The following COL23A1 variants were observed in gnomAD, a reference collection of about 807,000 sequenced individuals.
The protein encoded by COL23A1 is collagen type XXIII alpha 1 chain.
In COL23A1, 97 loss-of-function variants were observed where a neutral mutation model predicts 99.3. The ratio of observed to expected loss-of-function variants is 0.98; its 90% CI spans 0.83 to 1.16. The LOEUF is 1.16. Among genes scored for constraint, COL23A1 ranks in the 50% most tolerant of loss-of-function variants. The pLI, the probability that COL23A1 is intolerant of heterozygous loss-of-function variation, is 0.00. For synonymous variants in COL23A1, 320 were observed against 308.2 expected, an observed-to-expected ratio of 1.04 and a Z score of -0.40; for missense variants, 762 against 757.4, an observed-to-expected ratio of 1.01 and a Z score of -0.07.
At chr5:178,447,848 G>T (rs1278932769) in intron 2 of COL23A1, among the ~76,000 whole-genome samples, 2 of 152,176 alleles carry the variant, frequency 1.3e-5, no homozygotes, top group Non-Finnish European at 2.9e-5. Context: ...GGCTGGCAGG[G>T]ACCTTTGGAA....
In COL23A1 at chr5:178,521,568, A is replaced by C. The variant is rs1449977222; in HGVS notation, c.361+39114T>G. ...ACTCCATCTCAAAAAAAAAAAAAAA[A>C]AAACTATTTAAAGCCAACATTTAAG... On this transcript the variant is annotated intron_variant, in intron 2 of 28. Coordinates refer to ENST00000390654, the MANE Select transcript of COL23A1 (RefSeq NM_173465.4). 4.6e-5 allele frequency among the ~76,000 whole-genome samples: 7 copies of C among 152,248 alleles called. No individual in the cohort carries two copies. The East Asian group carries it at 5.8e-4, about 13-fold the overall frequency.
chr5:178,387,627 G>A lies in COL23A1; in HGVS notation c.362-80708C>T, dbSNP rs542935300. Among the ~76,000 whole-genome samples, 1 of 152,280 alleles carries A rather than the reference G, an allele frequency of 6.6e-6. No individual in the cohort carries two copies. The highest frequency in any genetic ancestry group is 1.5e-5 in the Non-Finnish European group (1 of 68,032). The stretch of plus-strand genomic sequence containing the variant: ...CCCTCCTGGACCAATAACTTCTAGA[G>A]GCTCATGACCATTTACCTTTTATCC... On this transcript the variant is annotated intron_variant, in intron 2 of 28. Transcript: ENST00000390654. The surrounding 1 kb of genome is among the most constrained non-coding windows in gnomAD (Gnocchi z 4.7).
At chr5:178,498,419 G>A (rs1207606008) in intron 2 of COL23A1, among the ~76,000 whole-genome samples, 3 of 151,302 alleles carry the variant, frequency 2.0e-5, no homozygotes, top group African/African-American at 7.3e-5. Context: ...GTATCTGACA[G>A]CCTAAAATTA....
In COL23A1 at chr5:178,548,912, T is replaced by C. The variant is rs535688119; in HGVS notation, c.361+11770A>G. Among the ~76,000 whole-genome samples the C allele has an allele frequency of 1.5e-4, 23 of 152,242 alleles. No individual in the cohort carries two copies. The South Asian group carries it at 1.7e-3, about 11-fold the overall frequency. On this transcript the variant is annotated intron_variant, in intron 2 of 28. Transcript: ENST00000390654. ...AGCAGACGAGATGAATAGTAGTATG[T>C]TCATACACTGCGATGGCATGCTGCA...
intron 1 of COL23A1, among the ~76,000 whole-genome samples, chr5:178,575,275 C>A (rs1020472872): frequency 6.6e-6 from 1 of 151,980 alleles, no homozygotes; most frequent in African/African-American, 2.4e-5. Flanking sequence ...TAGGAAGCAC[C>A]TCTTAACCTC....
At chr5:178,499,257 G>A (rs564300637) in intron 2 of COL23A1, among the ~76,000 whole-genome samples, 14 of 152,120 alleles carry the variant, frequency 9.2e-5, no homozygotes, top group Admixed American at 2.0e-4. Flanking sequence ...CGGACATGGT[G>A]CTATTTTAAA....
intron 2 of COL23A1, among the ~76,000 whole-genome samples, chr5:178,480,174 T>C (rs1757257197): frequency 1.3e-5 from 2 of 150,960 alleles, no homozygotes; most frequent in Non-Finnish European, 2.9e-5. Flanking sequence ...ATTTTTTAAA[T>C]AGGTGGAGGA....
At chr5:178,345,368 T>G in intron 2 of COL23A1, 1 of 455,306 alleles carries the variant, frequency 2.2e-6, no homozygotes, top group South Asian at 2.2e-5. Flanking sequence ...AGGGGCCTGC[T>G]TATTAGACCT....
In COL23A1 at chr5:178,589,580, G is replaced by T. The variant is rs994902736; in HGVS notation, c.294+324C>A. 1.5e-4 allele frequency among the ~76,000 whole-genome samples: 23 copies of T among 152,332 alleles called. No individual in the cohort carries two copies. The highest frequency in any genetic ancestry group is 3.4e-3 in the Middle Eastern group (1 of 294). On this transcript the variant is annotated intron_variant, in intron 1 of 28. Coordinates refer to ENST00000390654, the MANE Select transcript of COL23A1 (RefSeq NM_173465.4). The surrounding 1 kb of genome is among the most constrained non-coding windows in gnomAD (Gnocchi z 5.4). The stretch of plus-strand genomic sequence containing the variant: ...CCCCGACTCTGGCCGCCGGCGGGAA[G>T]CGGCGTGTCCGAGCGCACACCCCGT...
chr5:178,555,949 G>A (rs947192126), intron 2 of COL23A1, among the ~76,000 whole-genome samples: 1 of 152,116 alleles, frequency 6.6e-6, no homozygotes, highest in Admixed American at 6.5e-5. Context: ...GAGGGCTCCC[G>A]TCCTTCAGTC....
chr5:178,360,665 CATA>C (rs1762128460), intron 2 of COL23A1, among the ~76,000 whole-genome samples: 1 of 152,250 alleles, frequency 6.6e-6, no homozygotes, highest in Admixed American at 6.5e-5. Context: ...GGTCATGAAA[CATA>C]ATATGTTTCG....
intron 1 of COL23A1, among the ~76,000 whole-genome samples, chr5:178,588,854 G>C (rs143257964): frequency 3.0e-4 from 45 of 152,310 alleles, no homozygotes; most frequent in African/African-American, 1.0e-3. Flanking sequence ...ACAGGCCAGT[G>C]CTCCCTCTCC....
In COL23A1 at chr5:178,256,941, C is replaced by T. The variant is rs758840297; in HGVS notation, c.775-13G>A. 2 of 1,612,942 alleles carry T rather than the reference C, an allele frequency of 1.2e-6. No individual in the cohort carries two copies. The highest frequency in any genetic ancestry group is 1.7e-5 in the Admixed American group (1 of 59,940). On this transcript the variant is annotated splice_polypyrimidine_tract_variant and intron_variant, in intron 13 of 28. Coordinates refer to ENST00000390654, the MANE Select transcript of COL23A1 (RefSeq NM_173465.4). ...TCCCTGGCTCGCCCTGAAACAGACACAGCTGCAGTGAGAGCAAGTGTGAGA... is the reference window on the plus strand; with the variant it reads ...TCCCTGGCTCGCCCTGAAACAGACATAGCTGCAGTGAGAGCAAGTGTGAGA...
At chr5:178,566,611 T>C (rs1762853173) in intron 1 of COL23A1, among the ~76,000 whole-genome samples, 1 of 151,510 alleles carries the variant, frequency 6.6e-6, no homozygotes, top group Non-Finnish European at 1.5e-5. Flanking sequence ...AGGTCAGGAG[T>C]TCGAGACCAG....
chr5:178,531,610 G>A (rs554788732), intron 2 of COL23A1, among the ~76,000 whole-genome samples: 2 of 152,146 alleles, frequency 1.3e-5, no homozygotes, highest in East Asian at 1.9e-4. Flanking sequence ...TTCTGTTCTC[G>A]GCAGCCAAAT....
chr5:178,408,973 A>AACAC (rs1554161384), intron 2 of COL23A1, among the ~76,000 whole-genome samples: 1 of 61,918 alleles, frequency 1.6e-5, no homozygotes, highest in Non-Finnish European at 3.0e-5. Context: ...AAAAAAAAAA[A>AACAC]ATACACACAC....
At chr5:178,408,020 T>C (rs1370014641) in intron 2 of COL23A1, among the ~76,000 whole-genome samples, 1 of 152,190 alleles carries the variant, frequency 6.6e-6, no homozygotes, top group East Asian at 1.9e-4. Flanking sequence ...AAACCGAAGA[T>C]TTCTACACCA....
chr5:178,590,135 G>GC lies in COL23A1; in HGVS notation c.62dup (p.Gly22ArgfsTer215). 1 of 1,237,812 alleles carries GC rather than the reference G, an allele frequency of 8.1e-7. No homozygotes were observed. Among genetic ancestry groups the GC allele is most frequent in the Non-Finnish European group, 1.0e-6 (1 of 994,544 alleles). The allele number at this position is 1,237,812 out of a possible 1,614,324, so 76.7% of individuals were successfully genotyped here. A position where few individuals can be genotyped will look rare whatever the true frequency, so the allele number is the denominator to read the frequency against. ...TCGTCGCCGAGCGCCCTCCGCCGCC[G>GC]CCGCCCGCCGCATTGCCCTTCCCCG... On this transcript the variant is annotated frameshift_variant, in exon 1 of 29. Coordinates refer to ENST00000390654, the MANE Select transcript of COL23A1 (RefSeq NM_173465.4). LOFTEE classifies it high-confidence loss of function. The surrounding 1 kb of genome is among the most constrained non-coding windows in gnomAD (Gnocchi z 5.7).
chr5:178,352,271 C>G (rs1581205332), intron 2 of COL23A1: 1 of 152,184 alleles, frequency 6.6e-6, no homozygotes, highest in African/African-American at 2.4e-5. Context: ...GTCAAAACAC[C>G]TTAGCGCTTT....
Sources: gnomAD v4.1 joint callset for allele counts (sites outside exome capture counted in the v4.1 genomes callset) on GRCh38, gnomAD v4.1.1 for gene constraint, Gnocchi (gnomAD v3.1) non-coding constraint, MANE v1.5 for transcripts, NCBI Gene and HGNC (gene_info 2026-07-23, HGNC 2026-07-21) for gene names.